The following ASAP1 variants were observed in gnomAD, a reference collection of about 807,000 sequenced individuals.
ASAP1 encodes ArfGAP with SH3 domain, ankyrin repeat and PH domain 1, also known as arf-GAP with SH3 domain, ANK repeat and PH domain-containing protein 1.
Under a neutral mutation model 145.2 loss-of-function variants are expected in ASAP1, and 43 were observed. The observed-to-expected ratio is 0.30, with a 90% CI of 0.23 to 0.38. ASAP1 has a LOEUF of 0.38. Ranked by LOEUF, ASAP1 falls within the 10% of genes least tolerant of loss-of-function variation. The probability of loss-of-function intolerance (pLI) is 1.00; values close to 1 mark genes in which losing one functional copy is unlikely to be tolerated. For synonymous variants in ASAP1, 546 were observed against 515.5 expected (o/e 1.06, Z -0.80); for missense variants, 1,018 against 1,355.3 (o/e 0.75, Z 3.91).
intron 3 of ASAP1, among the ~76,000 whole-genome samples, chr8:130,259,140 T>A (rs1819745347): frequency 6.6e-6 from 1 of 152,208 alleles, no homozygotes. Context: ...ACAATCTGCC[T>A]CTATTTCAGA....
In ASAP1 at chr8:130,358,617, G is replaced by A. The variant is rs1044091786; in HGVS notation, c.60-474C>T. On this transcript the variant is annotated intron_variant, in intron 2 of 29. Coordinates refer to ENST00000518721, the MANE Select transcript of ASAP1 (RefSeq NM_018482.4). The surrounding 1 kb of genome is among the most constrained non-coding windows in gnomAD (Gnocchi z 4.1). ...GACTGAGCGCACACTCCCGCGGCGG[G>A]CGGGCGGGCGGGCGGCGCTCGCGCT... Among the ~76,000 whole-genome samples the A allele has an allele frequency of 6.8e-6, 1 of 147,182 alleles. No homozygotes were observed. The highest frequency in any genetic ancestry group is 2.4e-5 in the African/African-American group (1 of 40,920).
At chr8:130,434,837 A>T (rs1830255565) in intron 1 of ASAP1, among the ~76,000 whole-genome samples, 1 of 152,150 alleles carries the variant, frequency 6.6e-6, no homozygotes. Context: ...ATGAGACAGG[A>T]AGCAGGTCAG....
At chr8:130,271,650 T>C (rs1326213601) in intron 3 of ASAP1, among the ~76,000 whole-genome samples, 1 of 152,212 alleles carries the variant, frequency 6.6e-6, no homozygotes, top group Non-Finnish European at 1.5e-5. Context: ...CCAAGGTTTT[T>C]TAAATGAAAC....
At chr8:130,242,862 T>C (rs867341637) in intron 3 of ASAP1, among the ~76,000 whole-genome samples, 100 of 152,196 alleles carry the variant, frequency 6.6e-4, no homozygotes, top group African/African-American at 2.3e-3. Context: ...ACCACGCAAA[T>C]GTGTGCTGTT....
At chr8:130,406,091 T>G (rs972233735) in intron 1 of ASAP1, among the ~76,000 whole-genome samples, 10 of 152,228 alleles carry the variant, frequency 6.6e-5, no homozygotes, top group South Asian at 4.1e-4. Flanking sequence ...CTGTTGGTTT[T>G]TTGTTGTTGT....
Position 130,072,824 on chromosome 8 carries a change from T to TGTGTGCGCGCGCGCGC in ASAP1, c.2701+3523_2701+3524insGCGCGCGCGCGCACAC. ...GTGTGTGTGTGTGTGTGTGTGTGTG[T>TGTGTGCGCGCGCGCGC]GCGCGCGGGGGGGGGCAGTTTTGGG... On this transcript the variant is annotated intron_variant, in intron 27 of 29. Coordinates refer to ENST00000518721, the MANE Select transcript of ASAP1 (RefSeq NM_018482.4). 1.4e-3 allele frequency among the ~76,000 whole-genome samples: 44 copies of TGTGTGCGCGCGCGCGC among 32,298 alleles called. 1 individual carries two copies. The highest frequency in any genetic ancestry group is 0.012 in the South Asian group (7 of 588). The allele number at this position is 32,298 out of a possible 152,430, so 21.2% of individuals were successfully genotyped here. A position where few individuals can be genotyped will look rare whatever the true frequency, so the allele number is the denominator to read the frequency against.
chr8:130,187,526 C>A (rs1004278723), intron 6 of ASAP1, among the ~76,000 whole-genome samples: 1 of 151,906 alleles, frequency 6.6e-6, no homozygotes, highest in Non-Finnish European at 1.5e-5. Context: ...ATTGATCTTC[C>A]CACCTCAGCT....
intron 24 of ASAP1, among the ~76,000 whole-genome samples, chr8:130,109,077 A>G (rs114527486): frequency 0.02 from 3,108 of 152,254 alleles, 49 homozygotes; most frequent in East Asian, 0.065. Context: ...ACCCGGTCCA[A>G]GAACCAGTGT....
At chr8:130,419,193 T>C (rs1010059511) in intron 1 of ASAP1, among the ~76,000 whole-genome samples, 10 of 152,196 alleles carry the variant, frequency 6.6e-5, no homozygotes, top group Non-Finnish European at 1.2e-4. Context: ...CACGGCGCTA[T>C]GGGTTTTCTG....
At chr8:130,074,290 G>A (rs1158782939) in intron 27 of ASAP1, among the ~76,000 whole-genome samples, 2 of 152,156 alleles carry the variant, frequency 1.3e-5, no homozygotes, top group African/African-American at 4.8e-5. Flanking sequence ...TGGCTGGGCA[G>A]GGAACTAGAT....
chr8:130,181,062 G>C (rs1414367588), intron 7 of ASAP1, among the ~76,000 whole-genome samples, 182 bp from the exon 8 acceptor site: 3 of 151,700 alleles, frequency 2.0e-5, no homozygotes, highest in Non-Finnish European at 4.4e-5. Flanking sequence ...GTGCATGTGT[G>C]GGGGGAGGGA....
chr8:130,402,535 T>G (rs1467251011), intron 1 of ASAP1, among the ~76,000 whole-genome samples: 1 of 152,158 alleles, frequency 6.6e-6, no homozygotes, highest in Non-Finnish European at 1.5e-5. Context: ...AGATGTTACA[T>G]AAGGGAACAG....
chr8:130,344,312 G>C (rs926576871), intron 3 of ASAP1, among the ~76,000 whole-genome samples: 1 of 151,992 alleles, frequency 6.6e-6, no homozygotes, highest in Non-Finnish European at 1.5e-5. Context: ...AATTTGAACA[G>C]CGACTGAATA....
At chr8:130,391,679 C>T (rs1828290307) in intron 2 of ASAP1, among the ~76,000 whole-genome samples, 1 of 152,342 alleles carries the variant, frequency 6.6e-6, no homozygotes, top group African/African-American at 2.4e-5. Flanking sequence ...ATGCATGGTT[C>T]CCGCCTTCAA....
intron 24 of ASAP1, among the ~76,000 whole-genome samples, chr8:130,109,237 T>G (rs2097542777): frequency 6.6e-6 from 1 of 151,494 alleles, no homozygotes; most frequent in Non-Finnish European, 1.5e-5. Context: ...AGTGTTTCGG[T>G]ATGGGGCTTG....
chr8:130,170,574 C>T (rs943865124), intron 9 of ASAP1, among the ~76,000 whole-genome samples: 2 of 152,158 alleles, frequency 1.3e-5, no homozygotes, highest in African/African-American at 4.8e-5. Context: ...CAAGTTCCAA[C>T]ATTTTTTAAG....
At chr8:130,241,928 G>A (rs1299590977) in intron 3 of ASAP1, among the ~76,000 whole-genome samples, 1 of 152,060 alleles carries the variant, frequency 6.6e-6, no homozygotes. Flanking sequence ...ATTTTGGGTA[G>A]ATTAGATTTT....
chr8:130,403,556 T>C (rs1586982853), intron 1 of ASAP1, among the ~76,000 whole-genome samples: 2 of 138,602 alleles, frequency 1.4e-5, no homozygotes, highest in African/African-American at 5.4e-5. Flanking sequence ...TTCTTTTTCT[T>C]TTTTTTTTTT....
intron 3 of ASAP1, among the ~76,000 whole-genome samples, chr8:130,288,458 C>T (rs979507761): frequency 6.6e-6 from 1 of 152,128 alleles, no homozygotes; most frequent in Non-Finnish European, 1.5e-5. Context: ...TATTTGGAGG[C>T]GCAGTGTCCT....
Sources: allele counts gnomAD v4.1 joint callset (sites outside exome capture counted in the v4.1 genomes callset), GRCh38; gene constraint gnomAD v4.1.1; non-coding constraint Gnocchi (gnomAD v3.1); transcripts MANE v1.5; gene names NCBI Gene and HGNC (gene_info 2026-07-23, HGNC 2026-07-21).